CDH13: variants seen among roughly 807,000 people sequenced by gnomAD.
CDH13 encodes cadherin-13.
Under a neutral mutation model 63.8 loss-of-function variants are expected in CDH13, and 24 were observed. The observed-to-expected ratio is 0.38, with a 90% CI of 0.27 to 0.53. The LOEUF (loss-of-function observed/expected upper bound fraction) is 0.53, where lower values mean the gene tolerates loss of function less well. Among genes scored for constraint, CDH13 ranks in the 20% least tolerant of loss-of-function variants. The pLI, the probability that CDH13 is intolerant of heterozygous loss-of-function variation, is 0.85. For synonymous variants in CDH13, 503 were observed against 355.3 expected, an observed-to-expected ratio of 1.42 and a Z score of -4.67; for missense variants, 1,049 against 903.1, an observed-to-expected ratio of 1.16 and a Z score of -2.07.
At chr16:82,925,915 G>A (rs922350138) in intron 2 of CDH13, 2 of 151,956 alleles carry the variant, frequency 1.3e-5, no homozygotes, top group Non-Finnish European at 2.9e-5. Flanking sequence ...CCTTTTGTTA[G>A]GTAATAATGA....
intron 5 of CDH13, among the ~76,000 whole-genome samples, chr16:83,335,680 G>A (rs775038266): frequency 1.2e-4 from 18 of 152,124 alleles, no homozygotes; most frequent in Non-Finnish European, 2.5e-4. Context: ...GACCTAATCC[G>A]TTATGTTATC....
Position 82,818,063 on chromosome 16 carries a change from G to A in CDH13, c.46-40299G>A, listed in dbSNP as rs73606843. Among the ~76,000 whole-genome samples the A allele has an allele frequency of 3.3e-3, 498 of 151,876 alleles. 1 individual carries two copies. The highest frequency in any genetic ancestry group is 0.012 in the African/African-American group (485 of 41,344). ...TGCATGCATACATACATGACTATAC[G>A]CACAATGCACACATGTTTATATATG... On this transcript the variant is annotated intron_variant, in intron 1 of 13. Coordinates refer to ENST00000567109, the MANE Select transcript of CDH13 (RefSeq NM_001257.5).
In CDH13 at chr16:83,634,115, T is replaced by TTGTGTG. The variant is rs1454869281; in HGVS notation, c.1101+31522_1101+31523insGTGTGT. Among the ~76,000 whole-genome samples the TTGTGTG allele has an allele frequency of 7.1e-4, 96 of 135,790 alleles. 2 individuals carry two copies. The highest frequency in any genetic ancestry group is 5.3e-3 in the Admixed American group (69 of 13,030). 89.1% of individuals were successfully genotyped at this position (135,790 alleles called of 152,430 possible). ...AAGTCTCCACCCATTTTTGTGTGTT[T>TTGTGTG]TCTGTGTGTGTGTGTGTGTATGTGT... On this transcript the variant is annotated intron_variant, in intron 8 of 13. Coordinates refer to ENST00000567109, the MANE Select transcript of CDH13 (RefSeq NM_001257.5).
At chr16:83,018,455 A>G (rs1038941893) in intron 2 of CDH13, among the ~76,000 whole-genome samples, 1 of 152,224 alleles carries the variant, frequency 6.6e-6, no homozygotes, top group Non-Finnish European at 1.5e-5. Context: ...CCCAGTTGTA[A>G]GAGACATCAT....
intron 1 of CDH13, among the ~76,000 whole-genome samples, chr16:82,822,243 A>T (rs763688194): frequency 2.6e-5 from 4 of 152,092 alleles, no homozygotes; most frequent in Non-Finnish European, 5.9e-5. Context: ...TCAAAAGAAC[A>T]CAGGTTGAAT....
chr16:83,733,165 C>T (rs1050289675), intron 10 of CDH13, among the ~76,000 whole-genome samples: 2 of 152,170 alleles, frequency 1.3e-5, no homozygotes, highest in Non-Finnish European at 2.9e-5. Context: ...CACTGGAAAT[C>T]AGTACACAGG....
chr16:83,661,298 GCAGTAT>G (rs1331708001), intron 8 of CDH13, among the ~76,000 whole-genome samples: 1 of 152,038 alleles, frequency 6.6e-6, no homozygotes, highest in Non-Finnish European at 1.5e-5. Context: ...GCCAGCCTGA[GCAGTAT>G]AGTGAAACCC....
intron 5 of CDH13, among the ~76,000 whole-genome samples, chr16:83,285,205 C>T (rs1352712962): frequency 6.6e-6 from 1 of 152,066 alleles, no homozygotes; most frequent in African/African-American, 2.4e-5. Context: ...AAAGTCCTAC[C>T]CAGAAGGAAG....
At chr16:82,640,488 A>G (rs988084077) in intron 1 of CDH13, among the ~76,000 whole-genome samples, 5 of 152,164 alleles carry the variant, frequency 3.3e-5, no homozygotes, top group Admixed American at 6.5e-5. Context: ...AAACTGTTCA[A>G]TTCTATCCGT....
chr16:83,378,636 C>G (rs1414297399), intron 6 of CDH13, among the ~76,000 whole-genome samples: 2 of 152,084 alleles, frequency 1.3e-5, no homozygotes, highest in East Asian at 3.9e-4. Flanking sequence ...GACTGGATCT[C>G]TGTTTCTTAT....
intron 3 of CDH13, among the ~76,000 whole-genome samples, chr16:83,038,315 G>A (rs1917043748): frequency 6.6e-6 from 1 of 152,116 alleles, no homozygotes; most frequent in South Asian, 2.1e-4. Flanking sequence ...AGGTCTGATT[G>A]TTAATGACTT....
intron 6 of CDH13, among the ~76,000 whole-genome samples, chr16:83,423,306 A>G (rs765229225): frequency 3.9e-5 from 6 of 152,196 alleles, no homozygotes; most frequent in Non-Finnish European, 7.3e-5. Flanking sequence ...TCGTTATTGA[A>G]AGTTCTCATT....
chr16:83,366,059 A>T (rs77365818), intron 6 of CDH13, among the ~76,000 whole-genome samples: 2,390 of 152,288 alleles, frequency 0.016, 64 homozygotes, highest in African/African-American at 0.054. Flanking sequence ...ATAATTTTTT[A>T]CAATAGCAAT....
chr16:82,668,158 A>T (rs1912824828), intron 1 of CDH13, among the ~76,000 whole-genome samples: 1 of 152,096 alleles, frequency 6.6e-6, no homozygotes, highest in Non-Finnish European at 1.5e-5. Flanking sequence ...GAGGCAGCAT[A>T]CAGACCATGG....
At chr16:82,905,031 C>A (rs1444829284) in intron 2 of CDH13, among the ~76,000 whole-genome samples, 1 of 152,064 alleles carries the variant, frequency 6.6e-6, no homozygotes, top group East Asian at 1.9e-4. Context: ...CTAGCAGCTG[C>A]AATTGGACTC....
intron 1 of CDH13, among the ~76,000 whole-genome samples, chr16:82,841,238 G>A (rs950126922): frequency 1.3e-5 from 2 of 152,174 alleles, no homozygotes; most frequent in Non-Finnish European, 2.9e-5. Flanking sequence ...CAAGCTAAAG[G>A]CCATCTAGCA....
At chr16:83,517,938 A>G (rs2074737540) in intron 7 of CDH13, among the ~76,000 whole-genome samples, 1 of 152,140 alleles carries the variant, frequency 6.6e-6, no homozygotes, top group Non-Finnish European at 1.5e-5. Flanking sequence ...TTTACAGATA[A>G]GAAAACTGAG....
At chr16:83,673,997 G>C (rs1020268106) in intron 9 of CDH13, among the ~76,000 whole-genome samples, 2 of 152,170 alleles carry the variant, frequency 1.3e-5, no homozygotes, top group Non-Finnish European at 2.9e-5. Flanking sequence ...CTGCCTCCCA[G>C]GTCAGTAGGA....
chr16:83,566,572 C>T (rs1598300046), intron 7 of CDH13, among the ~76,000 whole-genome samples: 1 of 152,118 alleles, frequency 6.6e-6, no homozygotes, highest in African/African-American at 2.4e-5. Flanking sequence ...TTTGTGCTTC[C>T]TGTTCCCTGG....
Sources: allele counts gnomAD v4.1 joint callset (sites outside exome capture counted in the v4.1 genomes callset), GRCh38; gene constraint gnomAD v4.1.1; transcripts MANE v1.5; gene names NCBI Gene and HGNC (gene_info 2026-07-23, HGNC 2026-07-21).